Variants in MYO1E observed in about 807,000 individuals in gnomAD.
The protein encoded by MYO1E is myosin IE, also known as unconventional myosin-Ie.
MYO1E carries 68 observed loss-of-function variants against 151.1 expected under a neutral mutation model. The observed-to-expected ratio is 0.45, with a 90% CI of 0.37 to 0.55. MYO1E has a LOEUF of 0.55. Among genes scored for constraint, MYO1E ranks in the 20% least tolerant of loss-of-function variants. The pLI, the probability that MYO1E is intolerant of heterozygous loss-of-function variation, is 0.00. For synonymous variants in MYO1E, 601 were observed against 501.7 expected, an observed-to-expected ratio of 1.20 and a Z score of -2.64; for missense variants, 1,363 against 1,389.3, an observed-to-expected ratio of 0.98 and a Z score of 0.30.
chr15:59,250,596 G>C (rs2080158794), intron 4 of MYO1E, among the ~76,000 whole-genome samples: 1 of 151,948 alleles, frequency 6.6e-6, no homozygotes, highest in Non-Finnish European at 1.5e-5. Flanking sequence ...TGAGTTTTGT[G>C]AGTTGTTCTA....
intron 1 of MYO1E, among the ~76,000 whole-genome samples, chr15:59,279,313 A>C (rs1462431973): frequency 6.6e-6 from 1 of 152,114 alleles, no homozygotes; most frequent in African/African-American, 2.4e-5. Context: ...CCCGGTGGAG[A>C]AGTGTTCCAC....
chr15:59,301,632 G>T (rs537433529), intron 1 of MYO1E, among the ~76,000 whole-genome samples: 2 of 152,196 alleles, frequency 1.3e-5, no homozygotes, highest in African/African-American at 4.8e-5. Flanking sequence ...CACTCTCCTC[G>T]GTCCTTGAGG....
chr15:59,330,907 C>T (rs2080694120), intron 1 of MYO1E, among the ~76,000 whole-genome samples: 1 of 152,092 alleles, frequency 6.6e-6, no homozygotes, highest in Non-Finnish European at 1.5e-5. Flanking sequence ...GTAGCTGGGA[C>T]CACAGGCATG....
intron 16 of MYO1E, among the ~76,000 whole-genome samples, chr15:59,196,440 T>C (rs9788755): frequency 0.45 from 68,734 of 151,958 alleles, 18,791 homozygotes; most frequent in Non-Finnish European, 0.63. Context: ...TCCAAGGATG[T>C]GGCACACATG....
At chr15:59,325,141 T>A (rs1281006677) in intron 1 of MYO1E, among the ~76,000 whole-genome samples, 1 of 152,188 alleles carries the variant, frequency 6.6e-6, no homozygotes, top group South Asian at 2.1e-4. Context: ...TTCAAGCGAT[T>A]CTCCTGCCTC....
At chr15:59,223,026 C>T in intron 9 of MYO1E, 33 bp downstream of exon 9, 1 of 1,613,188 alleles carries the variant, frequency 6.2e-7, no homozygotes, top group Non-Finnish European at 8.5e-7. Flanking sequence ...CTAGCCACCC[C>T]TCATTCAATG....
At chr15:59,160,993 G>A in intron 24 of MYO1E, 80 bp downstream of exon 24, 1 of 1,565,180 alleles carries the variant, frequency 6.4e-7, no homozygotes, top group Non-Finnish European at 8.8e-7. Context: ...CCCCACATCT[G>A]TGCACATGTT....
chr15:59,337,464 C>T (rs930658984), intron 1 of MYO1E, among the ~76,000 whole-genome samples: 1 of 152,164 alleles, frequency 6.6e-6, no homozygotes, highest in Non-Finnish European at 1.5e-5. Context: ...TCTACAATTT[C>T]GCATTTGGCA....
At chr15:59,146,019 C>T (rs1166693796) in intron 26 of MYO1E, among the ~76,000 whole-genome samples, 1 of 151,982 alleles carries the variant, frequency 6.6e-6, no homozygotes, top group East Asian at 1.9e-4. Context: ...TCATTATTTC[C>T]TTATTGTTAT....
rs551602313 is a variant in MYO1E, at chr15:59,336,474, G to C, written c.3+36024C>G. On this transcript the variant is annotated intron_variant, in intron 1 of 27. Transcript: ENST00000288235. ...AAAACTAGCAGTCAGGCTTTCATAA[G>C]TAACTTTTATTTTTAAAATTATGTG... 8.5e-5 allele frequency among the ~76,000 whole-genome samples: 13 copies of C among 152,236 alleles called. No homozygotes were observed. The South Asian group carries it at 2.7e-3, about 32-fold the overall frequency.
At chr15:59,300,303 C>CAT (rs2080474204) in intron 1 of MYO1E, among the ~76,000 whole-genome samples, 1 of 151,872 alleles carries the variant, frequency 6.6e-6, no homozygotes, top group Non-Finnish European at 1.5e-5. Flanking sequence ...CGCGCACACA[C>CAT]ACACACACAC....
At chr15:59,304,000 T>TTA (rs71294002) in intron 1 of MYO1E, among the ~76,000 whole-genome samples, 2 of 150,692 alleles carry the variant, frequency 1.3e-5, no homozygotes, top group African/African-American at 4.9e-5. Flanking sequence ...TTTTTTTTTT[T>TTA]AGAGGGAGTT....
intron 1 of MYO1E, among the ~76,000 whole-genome samples, chr15:59,315,547 A>ATT (rs34251724): frequency 3.4e-5 from 5 of 146,496 alleles, no homozygotes; most frequent in African/African-American, 1.1e-4. Context: ...AGAACTAAAA[A>ATT]TTAAAAAAAA....
intron 1 of MYO1E, among the ~76,000 whole-genome samples, chr15:59,357,977 G>A (rs183152902): frequency 2.9e-4 from 44 of 152,288 alleles, no homozygotes; most frequent in Admixed American, 2.8e-3. Flanking sequence ...GACTTGGCAA[G>A]TGGTAGAATG....
intron 1 of MYO1E, among the ~76,000 whole-genome samples, chr15:59,324,669 C>G (rs1457982809): frequency 6.6e-6 from 1 of 150,428 alleles, no homozygotes; most frequent in Non-Finnish European, 1.5e-5. Flanking sequence ...CCAAGCCCCC[C>G]CCCCACAGAG....
chr15:59,308,860 G>C lies in MYO1E; in HGVS notation c.4-36411C>G, dbSNP rs1294734035. Among the ~76,000 whole-genome samples the C allele has an allele frequency of 6.6e-5, 10 of 151,532 alleles. No homozygotes were observed. In the South Asian group the frequency reaches 1.9e-3, roughly 28 times the overall value. On this transcript the variant is annotated intron_variant, in intron 1 of 27. Coordinates refer to ENST00000288235, the MANE Select transcript of MYO1E (RefSeq NM_004998.4). Reference sequence around the variant, plus strand: ...TCTCAAAAAAAAAAAATCCTCTAGAGGGATTTGTTTATTATTTATTTATTA... The same window carrying C: ...TCTCAAAAAAAAAAAATCCTCTAGACGGATTTGTTTATTATTTATTTATTA...
intron 1 of MYO1E, among the ~76,000 whole-genome samples, chr15:59,307,713 C>T (rs1243615729): frequency 1.3e-5 from 2 of 151,998 alleles, no homozygotes; most frequent in African/African-American, 4.8e-5. Context: ...AGGGTTCAAG[C>T]CATTCTCCTG....
At chr15:59,265,313 G>C (rs1038628203) in intron 2 of MYO1E, among the ~76,000 whole-genome samples, 1 of 152,004 alleles carries the variant, frequency 6.6e-6, no homozygotes, top group Non-Finnish European at 1.5e-5. Flanking sequence ...ACAGACAAAG[G>C]TACCACCTCC....
intron 1 of MYO1E, among the ~76,000 whole-genome samples, chr15:59,308,165 G>T (rs2080526456): frequency 7.5e-6 from 1 of 133,862 alleles, no homozygotes; most frequent in Admixed American, 8.7e-5. Context: ...AGAGGTTGCA[G>T]TAAGCCAAGA....
Sources: allele counts gnomAD v4.1 joint callset (sites outside exome capture counted in the v4.1 genomes callset), GRCh38; gene constraint gnomAD v4.1.1; transcripts MANE v1.5; gene names NCBI Gene and HGNC (gene_info 2026-07-23, HGNC 2026-07-21).